PRDM5: variants seen among roughly 807,000 people sequenced by gnomAD.
The protein encoded by PRDM5 is PR domain zinc finger protein 5.
A neutral mutation model predicts 81.2 loss-of-function variants in PRDM5; 56 were observed. The observed-to-expected ratio is 0.69, with a 90% CI of 0.56 to 0.86. The LOEUF is 0.86. Among genes scored for constraint, PRDM5 ranks in the 40% least tolerant of loss-of-function variants. The probability of loss-of-function intolerance (pLI) is 0.00; values close to 1 mark genes in which losing one functional copy is unlikely to be tolerated. For missense variants in PRDM5, 697 were observed against 770.1 expected (o/e 0.91, Z 1.12); for synonymous variants, 267 against 256.4 (o/e 1.04, Z -0.39).
intron 2 of PRDM5, among the ~76,000 whole-genome samples, chr4:120,889,696 T>A (rs1452256976): frequency 6.6e-6 from 1 of 152,174 alleles, no homozygotes; most frequent in African/African-American, 2.4e-5. Context: ...ATAAGCATAG[T>A]ATACAATAGT....
At chr4:120,764,418 T>C (rs1340165405) in intron 13 of PRDM5, among the ~76,000 whole-genome samples, 1 of 152,164 alleles carries the variant, frequency 6.6e-6, no homozygotes, top group East Asian at 1.9e-4. Flanking sequence ...AACTTTGACA[T>C]AGCACTATAA....
chr4:120,909,558 C>T (rs1431555565), intron 1 of PRDM5, among the ~76,000 whole-genome samples: 2 of 152,088 alleles, frequency 1.3e-5, no homozygotes, highest in South Asian at 2.1e-4. Flanking sequence ...TCTAAGTACA[C>T]ACTTTCCAAA....
intron 2 of PRDM5, among the ~76,000 whole-genome samples, chr4:120,898,636 G>C (rs1416565048): frequency 6.6e-6 from 1 of 152,154 alleles, no homozygotes; most frequent in African/African-American, 2.4e-5. Flanking sequence ...CCTTGAAGCT[G>C]TTAAACAAAT....
downstream of PRDM5, among the ~76,000 whole-genome samples, chr4:120,684,617 C>A (rs1041426496): frequency 6.6e-6 from 1 of 151,938 alleles, no homozygotes; most frequent in Non-Finnish European, 1.5e-5. Context: ...CTAATTAATG[C>A]TCTCCTTTTG....
At chr4:120,919,001 G>C (rs908219935) in intron 1 of PRDM5, among the ~76,000 whole-genome samples, 1 of 152,202 alleles carries the variant, frequency 6.6e-6, no homozygotes, top group African/African-American at 2.4e-5. Flanking sequence ...AAAGCCCAGA[G>C]ACAGGCACTT....
chr4:120,914,806 G>T (rs547633337), intron 1 of PRDM5, among the ~76,000 whole-genome samples: 4 of 152,294 alleles, frequency 2.6e-5, no homozygotes, highest in East Asian at 3.9e-4. Context: ...TATACACAAT[G>T]TAATACTATT....
intron 8 of PRDM5, among the ~76,000 whole-genome samples, chr4:120,811,083 T>A (rs1037358524): frequency 6.6e-6 from 1 of 152,078 alleles, no homozygotes; most frequent in East Asian, 1.9e-4. Context: ...AAAGAAACAA[T>A]ATGTGAAATT....
chr4:120,814,685 A>G (rs1050453638), intron 7 of PRDM5, among the ~76,000 whole-genome samples: 8 of 152,238 alleles, frequency 5.3e-5, no homozygotes, highest in Admixed American at 1.3e-4. Context: ...AACCATGTAT[A>G]TGAGAGCTGC....
chr4:120,730,784 TAA>T (rs58618740), intron 14 of PRDM5, among the ~76,000 whole-genome samples: 33,309 of 152,080 alleles, frequency 0.22, 4,487 homozygotes, highest in East Asian at 0.64. Flanking sequence ...GCTTCAATGC[TAA>T]ATATTTATAG....
intron 6 of PRDM5, 99 bp from the exon 7 acceptor site, chr4:120,816,673 G>C (rs947443625): frequency 1.1e-5 from 17 of 1,571,700 alleles, no homozygotes; most frequent in Non-Finnish European, 1.4e-5. Flanking sequence ...CTCCCTAGTA[G>C]AGTTTCGGGG....
At chr4:120,852,059 T>G (rs1759332817) in intron 3 of PRDM5, among the ~76,000 whole-genome samples, 1 of 152,168 alleles carries the variant, frequency 6.6e-6, no homozygotes, top group South Asian at 2.1e-4. Context: ...GGTCATCTGA[T>G]CAATGTGTTT....
At chr4:120,779,515 A>T (rs1242498943) in intron 12 of PRDM5, among the ~76,000 whole-genome samples, 2 of 152,036 alleles carry the variant, frequency 1.3e-5, no homozygotes, top group Non-Finnish European at 2.9e-5. Context: ...AGAGCTAAAA[A>T]CACCAGATAA....
intron 10 of PRDM5, among the ~76,000 whole-genome samples, chr4:120,792,720 T>C (rs1750760611): frequency 6.6e-6 from 1 of 152,194 alleles, no homozygotes; most frequent in Non-Finnish European, 1.5e-5. Context: ...GTAATACTAT[T>C]CAGCCTTAAA....
intron 13 of PRDM5, among the ~76,000 whole-genome samples, chr4:120,765,831 C>T (rs185354268): frequency 6.6e-6 from 1 of 152,310 alleles, no homozygotes; most frequent in Non-Finnish European, 1.5e-5. Flanking sequence ...CAGAAACAAA[C>T]ACATCAGCAA....
At chr4:120,802,838 C>G (rs1208404848) in intron 8 of PRDM5, among the ~76,000 whole-genome samples, 2 of 152,170 alleles carry the variant, frequency 1.3e-5, no homozygotes, top group African/African-American at 2.4e-5. Context: ...TTGCCAGCAA[C>G]AGAACAAAGC....
At chr4:120,754,682 C>T in intron 13 of PRDM5, 44 bp from the exon 14 acceptor site, 1 of 1,315,570 alleles carries the variant, frequency 7.6e-7, no homozygotes, top group South Asian at 1.2e-5. Context: ...CATGAAGTAG[C>T]AGAACCAGTC....
intron 3 of PRDM5, among the ~76,000 whole-genome samples, chr4:120,850,688 G>C (rs1341438790): frequency 6.6e-6 from 1 of 152,094 alleles, no homozygotes; most frequent in East Asian, 1.9e-4. Flanking sequence ...AAATTTCAGA[G>C]AGCCCACCAG....
chr4:120,708,935 G>C (rs917434226), intron 15 of PRDM5, among the ~76,000 whole-genome samples: 2 of 152,016 alleles, frequency 1.3e-5, no homozygotes, highest in African/African-American at 4.8e-5. Context: ...GAGGCACTTA[G>C]AAATATGGAT....
chr4:120,767,632 G>A (rs1272411058), intron 13 of PRDM5, among the ~76,000 whole-genome samples: 1 of 152,122 alleles, frequency 6.6e-6, no homozygotes, highest in East Asian at 1.9e-4. Flanking sequence ...TAAAAAAAGG[G>A]AAATTTAGTA....
Sources: gnomAD v4.1 joint callset for allele counts (sites outside exome capture counted in the v4.1 genomes callset) on GRCh38, gnomAD v4.1.1 for gene constraint, MANE v1.5 for transcripts, NCBI Gene and HGNC (gene_info 2026-07-23, HGNC 2026-07-21) for gene names.